FSD2: variants seen among roughly 807,000 people sequenced by gnomAD.
FSD2 encodes the protein fibronectin type III and SPRY domain-containing protein 2.
In FSD2, 71 loss-of-function variants were observed where a neutral mutation model predicts 80.4. The ratio of observed to expected loss-of-function variants is 0.88; its 90% CI spans 0.73 to 1.08. The LOEUF is 1.08. Among genes scored for constraint, FSD2 ranks in the 50% least tolerant of loss-of-function variants. FSD2 has a pLI of 0.00. For synonymous variants in FSD2, 361 were observed against 329.5 expected, an observed-to-expected ratio of 1.10 and a Z score of -1.03; for missense variants, 923 against 913.8, an observed-to-expected ratio of 1.01 and a Z score of -0.13.
chr15:82,797,283 A>G (rs1051683208), intron 1 of FSD2, among the ~76,000 whole-genome samples: 2 of 152,250 alleles, frequency 1.3e-5, no homozygotes, highest in African/African-American at 2.4e-5. Context: ...GAGTTCAAAA[A>G]TGTGAGTGAC....
rs1315123364 is a variant in FSD2 at position 82,758,208 on chromosome 15, C to G, written c.*1140G>C. Reference sequence around the variant, plus strand: ...TTAGAGGCATCTGTGGGACATGATACTGAATTGTAATTGCTTCACAAATGG... The same window carrying G: ...TTAGAGGCATCTGTGGGACATGATAGTGAATTGTAATTGCTTCACAAATGG... On this transcript the variant is annotated 3_prime_UTR_variant, in exon 13 of 13. Coordinates refer to ENST00000334574, the MANE Select transcript of FSD2 (RefSeq NM_001007122.4). 1 of 151,988 alleles carries G rather than the reference C, an allele frequency of 6.6e-6. No homozygotes were observed. The highest frequency in any genetic ancestry group is 1.5e-5 in the Non-Finnish European group (1 of 68,014). 9.4% of individuals were successfully genotyped at this position (151,988 alleles called of 1,614,324 possible).
Position 82,780,284 on chromosome 15 carries a change from G to T in FSD2, c.967-17C>A. ...CACTGCATCCTAAAAAGGAAAAAGA[G>T]AAAATATTAAGTTGATTTTGGAAAT... On this transcript the variant is annotated splice_polypyrimidine_tract_variant and intron_variant, in intron 4 of 12. Coordinates refer to ENST00000334574, the MANE Select transcript of FSD2 (RefSeq NM_001007122.4). 1.4e-6 allele frequency: 2 copies of T among 1,456,930 alleles called. No individual in the cohort carries two copies. Among genetic ancestry groups the T allele is most frequent in the Non-Finnish European group, 1.8e-6 (2 of 1,088,112 alleles). 90.3% of individuals were successfully genotyped at this position (1,456,930 alleles called of 1,614,324 possible).
intron 6 of FSD2, among the ~76,000 whole-genome samples, chr15:82,775,568 G>C (rs1352196268): frequency 4.6e-5 from 7 of 152,158 alleles, no homozygotes; most frequent in Admixed American, 4.6e-4. Context: ...TCTGATCTTA[G>C]AGGAAAAGCT....
intron 3 of FSD2, among the ~76,000 whole-genome samples, chr15:82,783,819 A>G (rs1417244449): frequency 1.3e-5 from 2 of 152,218 alleles, no homozygotes; most frequent in African/African-American, 2.4e-5. Flanking sequence ...CAACTAGGGG[A>G]GAAATGAAGG....
At chr15:82,783,393 C>G (rs992569553) in intron 3 of FSD2, among the ~76,000 whole-genome samples, 1 of 152,180 alleles carries the variant, frequency 6.6e-6, no homozygotes, top group Admixed American at 6.5e-5. Flanking sequence ...GCCACCACGC[C>G]CAGCCTGATT....
rs1391517443 is a variant in FSD2 at position 82,806,054 on chromosome 15, C to T, written c.-167G>A. 1.3e-5 allele frequency: 2 copies of T among 152,210 alleles called. No homozygotes were observed. The highest frequency in any genetic ancestry group is 2.9e-5 in the Non-Finnish European group (2 of 68,042). The allele number at this position is 152,210 out of a possible 1,614,324, so 9.4% of individuals were successfully genotyped here. ...ATCTGTGTTCAGCAGGCTTTCCTTC[C>T]TAGTGACCTCTGCATGCCCCACAGG... is the stretch of plus-strand genomic sequence containing the variant. On this transcript the variant is annotated 5_prime_UTR_variant, in exon 1 of 13. Coordinates refer to ENST00000334574, the MANE Select transcript of FSD2 (RefSeq NM_001007122.4).
Position 82,786,569 on chromosome 15 carries a change from T to C in FSD2, c.677A>G (p.Gln226Arg). The C allele has an allele frequency of 6.2e-7, 1 of 1,613,670 alleles. No individual in the cohort carries two copies. The highest frequency in any genetic ancestry group is 8.5e-7 in the Non-Finnish European group (1 of 1,179,686). ...IHKNMYKLEK[Q>R]IIEMENFANH... The stretch of plus-strand genomic sequence containing the variant: ...TGCAAAGTTTTCCATCTCAATTATC[T>C]GCTTTTCCAATTTGTACATGTTTTT... The change falls in exon 3 of 13, where the codon CAG becomes CGG. Residue 226 changes from glutamine (Q) to arginine (R), a missense_variant. Transcript: ENST00000334574.
intron 1 of FSD2, among the ~76,000 whole-genome samples, chr15:82,787,720 TAA>T (rs34763650): frequency 2.0e-5 from 3 of 149,028 alleles, no homozygotes; most frequent in South Asian, 2.1e-4. Context: ...CCTCATACAT[TAA>T]AAAAAAAACT....
At chr15:82,770,928 G>A (rs527408963) in intron 7 of FSD2, among the ~76,000 whole-genome samples, 79 of 152,118 alleles carry the variant, frequency 5.2e-4, no homozygotes, top group Admixed American at 2.0e-4. Context: ...TCTGCAGGGG[G>A]TGCTGACAGG....
intron 6 of FSD2, among the ~76,000 whole-genome samples, chr15:82,777,132 A>G (rs1405810086): frequency 1.3e-5 from 2 of 152,362 alleles, no homozygotes; most frequent in Admixed American, 1.3e-4. Context: ...TAAAGAAAAC[A>G]TAGGTGAATA....
chr15:82,802,324 T>C (rs1001858530), intron 1 of FSD2, among the ~76,000 whole-genome samples: 1 of 152,190 alleles, frequency 6.6e-6, no homozygotes, highest in Non-Finnish European at 1.5e-5. Context: ...TTAGCCCATG[T>C]TTCCCTCCGA....
chr15:82,788,491 C>A (rs149555644), intron 1 of FSD2, among the ~76,000 whole-genome samples: 1,495 of 115,254 alleles, frequency 0.013, 8 homozygotes, highest in Non-Finnish European at 0.017. Context: ...GGTGACAGAG[C>A]AGGACCCTGT....
At chr15:82,790,732 T>A (rs575602264) in intron 1 of FSD2, among the ~76,000 whole-genome samples, 58 of 141,644 alleles carry the variant, frequency 4.1e-4, no homozygotes, top group South Asian at 2.2e-4. Flanking sequence ...CCCGCCACCA[T>A]GCCCAGCTAA....
At chr15:82,765,845 GC>G in intron 10 of FSD2, 52 bp downstream of exon 10, 3 of 1,557,532 alleles carry the variant, frequency 1.9e-6, no homozygotes, top group Non-Finnish European at 2.6e-6. Flanking sequence ...CACTGGGTCT[GC>G]CACAGAGTGG....
chr15:82,763,535 T>C (rs1198265906), intron 11 of FSD2, among the ~76,000 whole-genome samples: 1 of 152,222 alleles, frequency 6.6e-6, no homozygotes, highest in Admixed American at 6.5e-5. Flanking sequence ...AGTCCCTGAC[T>C]CATCTTCCTC....
chr15:82,765,585 A>G (rs1207364692), intron 10 of FSD2, among the ~76,000 whole-genome samples: 3 of 152,208 alleles, frequency 2.0e-5, no homozygotes, highest in Non-Finnish European at 4.4e-5. Context: ...GGCAAATGAT[A>G]GAACTTAAAC....
Position 82,759,292 on chromosome 15 carries a change from T to C in FSD2, c.*56A>G. 1 of 1,581,204 alleles carries C rather than the reference T, an allele frequency of 6.3e-7. No individual in the cohort carries two copies. The highest frequency in any genetic ancestry group is 1.2e-5 in the South Asian group (1 of 86,358). On this transcript the variant is annotated 3_prime_UTR_variant, in exon 13 of 13. Transcript: ENST00000334574. ...GTGCCAGGTTCAGCCAGCTAAGGCG[T>C]GAGCAGCTGCGAGAGGGGTAGGCAT...
chr15:82,774,195 C>T (rs2151501600), intron 6 of FSD2, among the ~76,000 whole-genome samples: 1 of 152,290 alleles, frequency 6.6e-6, no homozygotes, highest in South Asian at 2.1e-4. Flanking sequence ...ACTTCAGTCT[C>T]CCAAGTAACT....
rs143639913 is a variant in FSD2, at chr15:82,765,492, C to T, written c.1688-194G>A. 9.3e-4 allele frequency among the ~76,000 whole-genome samples: 141 copies of T among 152,232 alleles called. 3 individuals carry two copies. The highest frequency in any genetic ancestry group is 1.1e-3 in the Admixed American group (17 of 15,288). On this transcript the variant is annotated intron_variant, in intron 10 of 12. Transcript: ENST00000334574. ...TGTGCCTAGTATCCCCTTCAATCCT[C>T]ACGACGACCCTTAGAAACAGGTGTC...
Sources: gnomAD v4.1 joint callset for allele counts (sites outside exome capture counted in the v4.1 genomes callset) on GRCh38, gnomAD v4.1.1 for gene constraint, MANE v1.5 for transcripts, NCBI Gene and HGNC (gene_info 2026-07-23, HGNC 2026-07-21) for gene names.